The following HDAC4 variants were observed in gnomAD, a reference collection of about 807,000 sequenced individuals.
HDAC4 encodes the protein histone deacetylase A.
A neutral mutation model predicts 135.1 loss-of-function variants in HDAC4; 16 were observed. The observed-to-expected ratio is 0.12, with a 90% confidence interval of 0.08 to 0.18. The LOEUF (loss-of-function observed/expected upper bound fraction) is 0.18, where lower values mean the gene tolerates loss of function less well. Among genes scored for constraint, HDAC4 ranks in the 10% least tolerant of loss-of-function variants. The pLI is 1.00. For synonymous variants in HDAC4, 685 were observed against 653.4 expected (o/e 1.05, Z -0.74); for missense variants, 1,143 against 1,511.8 (o/e 0.76, Z 4.05).
chr2:239,080,522 G>T (rs1443372593), intron 22 of HDAC4, among the ~76,000 whole-genome samples: 1 of 152,196 alleles, frequency 6.6e-6, no homozygotes, highest in African/African-American at 2.4e-5. Context: ...TCACAGGAAT[G>T]ACCCCAATCT....
At chr2:239,292,064 A>G (rs926596035) in intron 2 of HDAC4, among the ~76,000 whole-genome samples, 4 of 151,860 alleles carry the variant, frequency 2.6e-5, no homozygotes, top group African/African-American at 4.8e-5. Flanking sequence ...GGGCGGCCAC[A>G]CCAGGGGCTG....
intron 17 of HDAC4, chr2:239,094,112 C>T: frequency 1.0e-6 from 1 of 985,426 alleles, no homozygotes; most frequent in Non-Finnish European, 1.2e-6. Context: ...TGCAGCGGCT[C>T]CTGCTGTCCA....
intron 5 of HDAC4, among the ~76,000 whole-genome samples, chr2:239,166,818 C>T (rs967254426): frequency 7.2e-5 from 11 of 152,064 alleles, no homozygotes; most frequent in South Asian, 4.1e-4. Flanking sequence ...ACACAGAAGG[C>T]GAATTTCAAA....
rs536337097 is a variant in HDAC4, at chr2:239,329,424, C to T, written c.22+23254G>A. Among the ~76,000 whole-genome samples, 26 of 152,270 alleles carry T rather than the reference C, an allele frequency of 1.7e-4. No homozygotes were observed. The East Asian group carries it at 5.1e-3, about 30-fold the overall frequency. The stretch of plus-strand genomic sequence containing the variant: ...CTCAGTGAGACAGGCACAGCCTCTG[C>T]AGCAGCAGCTTGGGCTGGGAGGGCA... On this transcript the variant is annotated intron_variant, in intron 2 of 26. Coordinates refer to ENST00000543185, the MANE Select transcript of HDAC4 (RefSeq NM_001378414.1).
chr2:239,117,196 G>A (rs2039214416), intron 12 of HDAC4, among the ~76,000 whole-genome samples: 1 of 152,196 alleles, frequency 6.6e-6, no homozygotes, highest in Admixed American at 6.5e-5. Flanking sequence ...GAAGGCCAGA[G>A]AACAGGAACA....
chr2:239,193,095 C>T (rs984401121), intron 3 of HDAC4, among the ~76,000 whole-genome samples: 6 of 152,170 alleles, frequency 3.9e-5, no homozygotes, highest in Non-Finnish European at 8.8e-5. Context: ...TTATTGCCTA[C>T]GTCTCGCCTC....
chr2:239,143,733 G>A (rs2041562656), intron 8 of HDAC4, among the ~76,000 whole-genome samples: 2 of 152,240 alleles, frequency 1.3e-5, no homozygotes, highest in African/African-American at 4.8e-5. Context: ...CACACACGGG[G>A]CATGGCACCA....
rs963148419 is a variant in HDAC4, at chr2:239,373,829, T to C, written c.-219-20911A>G. Reference sequence around the variant, plus strand: ...CATTTTTATTCTGTCAATTGCATCTTTGTCCGCTTCTAGAGATCCGGGGTC... The same window carrying C: ...CATTTTTATTCTGTCAATTGCATCTCTGTCCGCTTCTAGAGATCCGGGGTC... On this transcript the variant is annotated intron_variant, in intron 1 of 26. Transcript: ENST00000543185. Among the ~76,000 whole-genome samples, 36 of 152,242 alleles carry C rather than the reference T, an allele frequency of 2.4e-4. 1 individual carries two copies. Among genetic ancestry groups the C allele is most frequent in the Admixed American group, 4.6e-4 (7 of 15,288 alleles).
At chr2:239,128,295 C>T (rs927244707) in intron 11 of HDAC4, among the ~76,000 whole-genome samples, 7 of 112,442 alleles carry the variant, frequency 6.2e-5, no homozygotes, top group African/African-American at 1.7e-4. Flanking sequence ...GTAATCCTAG[C>T]ACTTTGAGAG....
intron 17 of HDAC4, chr2:239,091,400 C>T (rs944640313): frequency 6.6e-6 from 1 of 152,312 alleles, no homozygotes. Context: ...CGGTGGAGGT[C>T]TTAGAAGCCG....
intron 2 of HDAC4, among the ~76,000 whole-genome samples, chr2:239,265,124 C>T (rs912302005): frequency 7.2e-5 from 11 of 152,176 alleles, no homozygotes; most frequent in African/African-American, 2.7e-4. Flanking sequence ...CCTTGAACCA[C>T]TGTGAACCCG....
At chr2:239,142,145 A>C (rs914712495) in intron 8 of HDAC4, among the ~76,000 whole-genome samples, 6 of 152,142 alleles carry the variant, frequency 3.9e-5, no homozygotes, top group Admixed American at 3.9e-4. Flanking sequence ...TTCACTCTGG[A>C]CAGAGTGCGT....
At chr2:239,294,205 A>C (rs4852045) in intron 2 of HDAC4, among the ~76,000 whole-genome samples, 86,038 of 151,924 alleles carry the variant, frequency 0.57, 25,014 homozygotes, top group East Asian at 0.86. Context: ...ACCTCTATCA[A>C]CTCCCAGTGA....
At chr2:239,194,292 C>A (rs2045214841) in intron 3 of HDAC4, among the ~76,000 whole-genome samples, 1 of 152,230 alleles carries the variant, frequency 6.6e-6, no homozygotes, top group Admixed American at 6.5e-5. Context: ...ATTCTTTAAT[C>A]TGTTCCTTAA....
At position 239,115,547 on chromosome 2, in the gene HDAC4, C is replaced by A. The variant is rs1441977369; in HGVS notation, c.1534-237G>T. 6.6e-6 allele frequency among the ~76,000 whole-genome samples: 1 copy of A among 152,032 alleles called. No individual in the cohort carries two copies. Among genetic ancestry groups the A allele is most frequent in the Non-Finnish European group, 1.5e-5 (1 of 67,986 alleles). On this transcript the variant is annotated intron_variant, in intron 12 of 26. Coordinates refer to ENST00000543185, the MANE Select transcript of HDAC4 (RefSeq NM_001378414.1). This position sits in a 1 kb window ranked among gnomAD's most constrained non-coding sequence, Gnocchi z 6.3. The stretch of plus-strand genomic sequence containing the variant: ...CAGCCCAGGGTCAAGGTGACCTGGC[C>A]CAGGGAAGGAGGCTGACTAACATTT...
At chr2:239,147,453 T>C (rs1472091034) in intron 7 of HDAC4, among the ~76,000 whole-genome samples, 1 of 152,180 alleles carries the variant, frequency 6.6e-6, no homozygotes, top group Non-Finnish European at 1.5e-5. Flanking sequence ...GCAGCCAAAG[T>C]GGAAGATGCA....
chr2:239,200,386 C>T (rs563856), intron 3 of HDAC4, among the ~76,000 whole-genome samples: 35,791 of 151,974 alleles, frequency 0.24, 5,667 homozygotes, highest in Non-Finnish European at 0.33. Context: ...GGGGCACGCA[C>T]GCAAAGTAGA....
intron 2 of HDAC4, among the ~76,000 whole-genome samples, chr2:239,243,512 G>A (rs1196247154): frequency 6.6e-6 from 1 of 152,132 alleles, no homozygotes; most frequent in Non-Finnish European, 1.5e-5. Context: ...CAAAAACAAT[G>A]AAACCGCTGT....
At chr2:239,101,843 CCCGGGT>C (rs1297126058) in intron 16 of HDAC4, among the ~76,000 whole-genome samples, 3 of 151,586 alleles carry the variant, frequency 2.0e-5, no homozygotes, top group Non-Finnish European at 4.4e-5. Flanking sequence ...AGCCCCCGGC[CCCGGGT>C]CCGGGTTCTG....
Sources: gnomAD v4.1 joint callset for allele counts (sites outside exome capture counted in the v4.1 genomes callset) on GRCh38, gnomAD v4.1.1 for gene constraint, Gnocchi (gnomAD v3.1) non-coding constraint, MANE v1.5 for transcripts, NCBI Gene and HGNC (gene_info 2026-07-23, HGNC 2026-07-21) for gene names.